Variants in GRID2 observed in about 807,000 individuals in gnomAD.
GRID2 encodes the protein glutamate ionotropic receptor delta type subunit 2.
A neutral mutation model predicts 114.8 loss-of-function variants in GRID2; 33 were observed. That is an observed-to-expected ratio of 0.29 (90% confidence interval 0.22 to 0.38). The LOEUF is 0.38. GRID2 is among the 10% of genes least tolerant of loss of function. GRID2 has a pLI of 1.00. For missense variants in GRID2, 1,184 were observed against 1,257.7 expected (o/e 0.94, Z 0.89); for synonymous variants, 505 against 449.9 (o/e 1.12, Z -1.55).
intron 1 of GRID2, among the ~76,000 whole-genome samples, chr4:92,548,685 G>A (rs1203408712): frequency 5.3e-5 from 8 of 151,728 alleles, no homozygotes; most frequent in Non-Finnish European, 8.8e-5. Context: ...TGGCCACGAC[G>A]CCTGGCTGAT....
At chr4:92,873,476 A>T (rs1481732193) in intron 2 of GRID2, among the ~76,000 whole-genome samples, 1 of 152,076 alleles carries the variant, frequency 6.6e-6, no homozygotes, top group Non-Finnish European at 1.5e-5. Context: ...TTAAAATTGG[A>T]CTTGAACTCA....
Position 93,684,778 on chromosome 4 carries a change from A to G in GRID2, c.2360+58343A>G, listed in dbSNP as rs1725925044. Among the ~76,000 whole-genome samples the G allele has an allele frequency of 2.6e-5, 4 of 152,064 alleles. No homozygotes were observed. The South Asian group carries it at 8.3e-4, about 31-fold the overall frequency. ...TTGTATAGGGGGAGGGTTCTTGCTAAACTGACTTAGCACAGTTCTTCCCAA... is the reference window on the plus strand; with the variant it reads ...TTGTATAGGGGGAGGGTTCTTGCTAGACTGACTTAGCACAGTTCTTCCCAA... On this transcript the variant is annotated intron_variant, in intron 14 of 15. Transcript: ENST00000282020.
At chr4:93,215,176 G>C (rs546055831) in intron 5 of GRID2, among the ~76,000 whole-genome samples, 1 of 148,390 alleles carries the variant, frequency 6.7e-6, no homozygotes, top group Non-Finnish European at 1.5e-5. Flanking sequence ...GGTGTAGATA[G>C]AGATGCTGCT....
intron 4 of GRID2, among the ~76,000 whole-genome samples, chr4:93,154,479 T>C (rs748457176): frequency 6.6e-6 from 1 of 152,022 alleles, no homozygotes; most frequent in African/African-American, 2.4e-5. Context: ...TGGTTAAATA[T>C]TTTGAATACC....
chr4:93,374,567 C>T (rs1274087156), intron 8 of GRID2, among the ~76,000 whole-genome samples: 6 of 150,744 alleles, frequency 4.0e-5, no homozygotes, highest in Non-Finnish European at 7.4e-5. Flanking sequence ...TTTGTTTAAC[C>T]GCTTTTAAAT....
At chr4:93,234,335 A>G (rs1314961330) in intron 7 of GRID2, among the ~76,000 whole-genome samples, 1 of 152,050 alleles carries the variant, frequency 6.6e-6, no homozygotes, top group African/African-American at 2.4e-5. Context: ...ATAATATGTT[A>G]TATTGAACAC....
chr4:93,679,635 C>A (rs192763785), intron 14 of GRID2, among the ~76,000 whole-genome samples: 1 of 150,776 alleles, frequency 6.6e-6, no homozygotes, highest in Non-Finnish European at 1.5e-5. Flanking sequence ...CACTCAAAAC[C>A]GCTCAACTAC....
At chr4:93,601,314 C>T (rs1464487124) in intron 13 of GRID2, among the ~76,000 whole-genome samples, 1 of 152,124 alleles carries the variant, frequency 6.6e-6, no homozygotes, top group Non-Finnish European at 1.5e-5. Flanking sequence ...CAAGGAAGTT[C>T]CTGACTCACC....
chr4:92,883,791 C>T (rs538308749), intron 2 of GRID2, among the ~76,000 whole-genome samples: 1 of 152,130 alleles, frequency 6.6e-6, no homozygotes, highest in Non-Finnish European at 1.5e-5. Flanking sequence ...ATTCAGTAAA[C>T]CATGCTATAA....
At chr4:92,389,631 A>G (rs1730147662) in intron 1 of GRID2, among the ~76,000 whole-genome samples, 1 of 152,076 alleles carries the variant, frequency 6.6e-6, no homozygotes, top group African/African-American at 2.4e-5. Flanking sequence ...GAGAACAGAA[A>G]CCGAGTTAAT....
chr4:93,209,125 G>T (rs546807127), intron 5 of GRID2, among the ~76,000 whole-genome samples: 1 of 151,824 alleles, frequency 6.6e-6, no homozygotes, highest in East Asian at 1.9e-4. Context: ...AAGTTCAGGG[G>T]TACGTGAGCA....
At chr4:93,010,744 T>G (rs1025033704) in intron 2 of GRID2, among the ~76,000 whole-genome samples, 20 of 152,144 alleles carry the variant, frequency 1.3e-4, no homozygotes, top group Admixed American at 1.0e-3. Flanking sequence ...ACTAAAAATT[T>G]TTCTAGAACA....
At chr4:93,022,440 A>C (rs191489274) in intron 2 of GRID2, among the ~76,000 whole-genome samples, 39 of 151,910 alleles carry the variant, frequency 2.6e-4, no homozygotes, top group Admixed American at 4.6e-4. Context: ...ATACATTTAA[A>C]TTTTTTCACA....
At chr4:92,455,502 T>C (rs897479279) in intron 1 of GRID2, among the ~76,000 whole-genome samples, 34 of 152,142 alleles carry the variant, frequency 2.2e-4, no homozygotes, top group Non-Finnish European at 4.7e-4. Context: ...GGAGAGGTCC[T>C]TGAGGAAGTG....
At chr4:93,348,737 T>C (rs1487035543) in intron 8 of GRID2, among the ~76,000 whole-genome samples, 2 of 152,192 alleles carry the variant, frequency 1.3e-5, no homozygotes, top group Non-Finnish European at 2.9e-5. Flanking sequence ...ATATTCTGGG[T>C]ATATATCAGC....
At chr4:93,457,506 C>G (rs565857966) in intron 11 of GRID2, among the ~76,000 whole-genome samples, 2 of 152,008 alleles carry the variant, frequency 1.3e-5, no homozygotes, top group Admixed American at 1.3e-4. Context: ...AATACAGATT[C>G]AAATTTTACT....
intron 2 of GRID2, among the ~76,000 whole-genome samples, chr4:93,007,505 C>A (rs563022341): frequency 2.0e-5 from 3 of 152,120 alleles, no homozygotes; most frequent in South Asian, 4.1e-4. Context: ...AGCTAAGGTA[C>A]CTTTCTGGCA....
intron 13 of GRID2, among the ~76,000 whole-genome samples, chr4:93,578,839 C>T (rs1352003946): frequency 1.3e-5 from 2 of 152,048 alleles, no homozygotes; most frequent in South Asian, 2.1e-4. Flanking sequence ...GTGATCTGCC[C>T]GCCTCGGCCT....
intron 2 of GRID2, among the ~76,000 whole-genome samples, chr4:92,709,022 G>A (rs6841374): frequency 0.19 from 28,331 of 152,094 alleles, 2,808 homozygotes; most frequent in East Asian, 0.33. Context: ...GAACTCACAG[G>A]CTGAGAGTTG....
Sources: allele counts gnomAD v4.1 joint callset (sites outside exome capture counted in the v4.1 genomes callset), GRCh38; gene constraint gnomAD v4.1.1; transcripts MANE v1.5; gene names NCBI Gene and HGNC (gene_info 2026-07-23, HGNC 2026-07-21).